The following SLIT2 variants were observed in gnomAD, a reference collection of about 807,000 sequenced individuals.
SLIT2 encodes slit guidance ligand 2, also known as slit homolog 2 protein.
In SLIT2, 41 loss-of-function variants were observed where a neutral mutation model predicts 185.7. The observed-to-expected ratio is 0.22, with a 90% CI of 0.17 to 0.29. The LOEUF (loss-of-function observed/expected upper bound fraction) is 0.29. Among genes scored for constraint, SLIT2 ranks in the 10% least tolerant of loss-of-function variants. The pLI is 1.00. For missense variants in SLIT2, 1,571 were observed against 1,909.0 expected (o/e 0.82, Z 3.30); for synonymous variants, 693 against 680.2 (o/e 1.02, Z -0.29).
chr4:20,313,981 A>G (rs1298941717), intron 4 of SLIT2, among the ~76,000 whole-genome samples: 4 of 152,208 alleles, frequency 2.6e-5, no homozygotes, highest in Non-Finnish European at 4.4e-5. Flanking sequence ...ACAAAGATAA[A>G]TATTTTTCAT....
chr4:20,451,816 C>A (rs925380497), intron 4 of SLIT2, among the ~76,000 whole-genome samples: 3 of 152,122 alleles, frequency 2.0e-5, no homozygotes. Flanking sequence ...GCATCTAAAT[C>A]GAGTTTCAAG....
At chr4:20,318,921 C>T (rs368648430) in intron 4 of SLIT2, among the ~76,000 whole-genome samples, 15 of 152,198 alleles carry the variant, frequency 9.9e-5, no homozygotes, top group South Asian at 4.2e-4. Context: ...ATATGGTGGA[C>T]GACTAAGTTA....
At chr4:20,435,016 A>G (rs1044019586) in intron 4 of SLIT2, among the ~76,000 whole-genome samples, 5 of 152,236 alleles carry the variant, frequency 3.3e-5, no homozygotes, top group Non-Finnish European at 5.9e-5. Context: ...CTGAACTACA[A>G]TCTACATATC....
intron 4 of SLIT2, among the ~76,000 whole-genome samples, chr4:20,309,646 C>T (rs1717898338): frequency 6.6e-6 from 1 of 151,918 alleles, no homozygotes; most frequent in Admixed American, 6.6e-5. Context: ...TATCTAATAC[C>T]TGATCTTTAA....
intron 29 of SLIT2, among the ~76,000 whole-genome samples, chr4:20,588,798 AG>A: frequency 6.6e-6 from 1 of 152,322 alleles, no homozygotes; most frequent in African/African-American, 2.4e-5. Flanking sequence ...AAGAGTACCT[AG>A]AATCTGCGTG....
Position 20,589,684 on chromosome 4 carries a change from C to G in SLIT2, c.3129C>G (p.Asp1043Glu). The change falls in exon 30 of 37, where the codon GAC becomes GAG. Residue 1043 changes from aspartate to glutamate, a missense_variant. Physicochemically the swap from Asp to Glu is conservative, Grantham distance 45 (BLOSUM62 2). Transcript: ENST00000504154. Reference sequence around the variant, plus strand: ...AGAAGCTGGACTTCTGTGCCCAGGACCTGAACCCCTGCCAGCACGATTCAA... The same window carrying G: ...AGAAGCTGGACTTCTGTGCCCAGGAGCTGAACCCCTGCCAGCACGATTCAA... The part of the protein sequence containing the change: ...CEEKLDFCAQ[D>E]LNPCQHDSKC... The G allele has an allele frequency of 6.2e-7, 1 of 1,613,928 alleles. No individual in the cohort carries two copies. The highest frequency in any genetic ancestry group is 8.5e-7 in the Non-Finnish European group (1 of 1,179,954).
At chr4:20,526,902 GA>G (rs746952941) in intron 15 of SLIT2, among the ~76,000 whole-genome samples, 126 of 152,230 alleles carry the variant, frequency 8.3e-4, no homozygotes, top group Non-Finnish European at 1.2e-3. Context: ...CAGATTATTT[GA>G]ATTGCAAGAT....
At chr4:20,612,848 G>T (rs1399073255) in intron 34 of SLIT2, among the ~76,000 whole-genome samples, 1 of 150,644 alleles carries the variant, frequency 6.6e-6, no homozygotes, top group African/African-American at 2.5e-5. Context: ...AACCCAGTAG[G>T]TGGAGCTTGC....
intron 4 of SLIT2, among the ~76,000 whole-genome samples, chr4:20,378,953 AAAT>A (rs1724254052): frequency 6.6e-6 from 1 of 152,154 alleles, no homozygotes; most frequent in African/African-American, 2.4e-5. Flanking sequence ...GAGGGACCTT[AAAT>A]GCATATTAGT....
intron 9 of SLIT2, among the ~76,000 whole-genome samples, chr4:20,493,254 G>C (rs1717942810): frequency 6.6e-6 from 1 of 152,138 alleles, no homozygotes; most frequent in African/African-American, 2.4e-5. Flanking sequence ...ATGCCCTAAA[G>C]AATACATCTC....
chr4:20,255,634 A>C (rs547153725), intron 1 of SLIT2, among the ~76,000 whole-genome samples: 58 of 152,306 alleles, frequency 3.8e-4, no homozygotes, highest in African/African-American at 1.3e-3. Flanking sequence ...TTTAAGCACG[A>C]ACATGTCTTA....
chr4:20,379,714 G>A (rs1025971630), intron 4 of SLIT2, among the ~76,000 whole-genome samples: 3 of 152,052 alleles, frequency 2.0e-5, no homozygotes, highest in African/African-American at 7.2e-5. Flanking sequence ...AAAATATATG[G>A]AACAATAGTT....
intron 4 of SLIT2, among the ~76,000 whole-genome samples, chr4:20,424,921 A>G (rs1043470521): frequency 6.6e-6 from 1 of 152,174 alleles, no homozygotes; most frequent in South Asian, 2.1e-4. Flanking sequence ...GCAAGTCCAA[A>G]TAAAGTGTGT....
At chr4:20,599,284 A>T (rs1728230578) in intron 33 of SLIT2, among the ~76,000 whole-genome samples, 1 of 152,148 alleles carries the variant, frequency 6.6e-6, no homozygotes, top group Admixed American at 6.5e-5. Context: ...TAACTATCAG[A>T]GCCCCTCTGT....
intron 5 of SLIT2, among the ~76,000 whole-genome samples, chr4:20,479,716 T>C (rs190456198): frequency 1.0e-3 from 159 of 151,878 alleles, no homozygotes; most frequent in African/African-American, 3.5e-3. Flanking sequence ...AACAAGAAAA[T>C]TTTAATTCTA....
rs569871864 is a variant in SLIT2, at chr4:20,380,854, A to G, written c.396-86898A>G. ...AGCAGAAAAATAATAAAATACGTGT[A>G]AAAATTTTTTCCAAATGTATTGACA... On this transcript the variant is annotated intron_variant, in intron 4 of 36. Transcript: ENST00000504154. 5.8e-4 allele frequency among the ~76,000 whole-genome samples: 88 copies of G among 152,270 alleles called. No individual in the cohort carries two copies. The South Asian group carries it at 0.015, about 25-fold the overall frequency.
At chr4:20,267,248 T>C (rs1055432371) in intron 3 of SLIT2, among the ~76,000 whole-genome samples, 1 of 152,038 alleles carries the variant, frequency 6.6e-6, no homozygotes, top group Non-Finnish European at 1.5e-5. Flanking sequence ...ATGAAAGCTT[T>C]TGATTTGACT....
At chr4:20,518,801 T>G (rs1720549669) in intron 11 of SLIT2, among the ~76,000 whole-genome samples, 1 of 144,834 alleles carries the variant, frequency 6.9e-6, no homozygotes, top group Admixed American at 7.0e-5. Flanking sequence ...AGAGACGGGG[T>G]TTCACTGTGT....
chr4:20,261,039 C>A (rs1052113785), intron 3 of SLIT2, among the ~76,000 whole-genome samples: 3 of 151,772 alleles, frequency 2.0e-5, no homozygotes, highest in African/African-American at 7.2e-5. Flanking sequence ...GTTGTAATCA[C>A]GTCTGCATAC....
Sources: allele counts gnomAD v4.1 joint callset (sites outside exome capture counted in the v4.1 genomes callset), GRCh38; gene constraint gnomAD v4.1.1; transcripts MANE v1.5; gene names NCBI Gene and HGNC (gene_info 2026-07-23, HGNC 2026-07-21).